Variants in MAP3K4 observed in about 807,000 individuals in gnomAD.
The protein encoded by MAP3K4 is MAP three kinase 1.
In MAP3K4, 67 loss-of-function variants were observed where a neutral mutation model predicts 185.6. That is an observed-to-expected ratio of 0.36 (90% CI 0.30 to 0.44). The LOEUF (loss-of-function observed/expected upper bound fraction) is 0.44, where lower values mean the gene tolerates loss of function less well. MAP3K4 is among the 20% of genes least tolerant of loss of function. The probability of loss-of-function intolerance (pLI) is 1.00; values close to 1 mark genes in which losing one functional copy is unlikely to be tolerated. For missense variants in MAP3K4, 1,551 were observed against 1,995.1 expected (o/e 0.78, Z 4.24); for synonymous variants, 702 against 710.4 (o/e 0.99, Z 0.19).
chr6:161,012,088 G>GC (rs1781874325), intron 1 of MAP3K4, among the ~76,000 whole-genome samples: 1 of 152,126 alleles, frequency 6.6e-6, no homozygotes, highest in Non-Finnish European at 1.5e-5. Context: ...TTGTGAAGAG[G>GC]CCTTAACTTG....
Position 161,109,987 on chromosome 6 carries a change from C to T in MAP3K4, c.4396+73C>T, listed in dbSNP as rs898688418. 4.6e-5 allele frequency: 68 copies of T among 1,480,462 alleles called. No homozygotes were observed. The highest frequency in any genetic ancestry group is 4.8e-4 in the Middle Eastern group (2 of 4,184). 91.7% of individuals were successfully genotyped at this position (1,480,462 alleles called of 1,614,324 possible). On this transcript the variant is annotated intron_variant, in intron 23 of 26. Transcript: ENST00000392142. This position sits in a 1 kb window ranked among gnomAD's most constrained non-coding sequence, Gnocchi z 5.7. ...CAGCCCGTGGGAGGTGCTCTGAAGA[C>T]GCTCATCCCATTCCCACATATGATT... is the stretch of plus-strand genomic sequence containing the variant.
intron 4 of MAP3K4, among the ~76,000 whole-genome samples, chr6:161,072,667 A>G (rs1429140315): frequency 6.6e-6 from 1 of 152,208 alleles, no homozygotes; most frequent in Non-Finnish European, 1.5e-5. Context: ...AGTTTGTATC[A>G]GTTTACCTTT....
In MAP3K4 at chr6:161,108,944, A is replaced by T; in HGVS notation, c.4236+85A>T. 6.2e-7 allele frequency: 1 copy of T among 1,609,800 alleles called. No individual in the cohort carries two copies. The highest frequency in any genetic ancestry group is 8.5e-7 in the Non-Finnish European group (1 of 1,176,644). On this transcript the variant is annotated intron_variant, in intron 22 of 26. Transcript: ENST00000392142. This position sits in a 1 kb window ranked among gnomAD's most constrained non-coding sequence, Gnocchi z 5.7. Reference sequence around the variant, plus strand: ...CCTGTTCTACATCACAGGTCTTCTCATTTCAGAGCACAGTAACTTTGCCTA... The same window carrying T: ...CCTGTTCTACATCACAGGTCTTCTCTTTTCAGAGCACAGTAACTTTGCCTA...
At chr6:161,004,571 T>C (rs1328282772) in intron 1 of MAP3K4, among the ~76,000 whole-genome samples, 1 of 152,206 alleles carries the variant, frequency 6.6e-6, no homozygotes, top group Non-Finnish European at 1.5e-5. Context: ...AAGACAGTTT[T>C]AGGTGCAAAT....
chr6:161,116,937 C>G lies in MAP3K4; in HGVS notation c.*67C>G. 6.9e-7 allele frequency: 1 copy of G among 1,450,980 alleles called. No individual in the cohort carries two copies. The highest frequency in any genetic ancestry group is 9.7e-7 in the Non-Finnish European group (1 of 1,032,280). The allele number at this position is 1,450,980 out of a possible 1,614,324, so 89.9% of individuals were successfully genotyped here. ...ACTGTATGTAATATTTACATAAAGA[C>G]TGTGCTGAGAAGCAGTATAAGCCTT... On this transcript the variant is annotated 3_prime_UTR_variant, in exon 27 of 27. Transcript: ENST00000392142. The surrounding 1 kb of genome is among the most constrained non-coding windows in gnomAD (Gnocchi z 6.2).
intron 1 of MAP3K4, among the ~76,000 whole-genome samples, chr6:161,000,866 C>CACAT (rs550570882): frequency 1.3e-5 from 2 of 149,842 alleles, no homozygotes; most frequent in Admixed American, 6.7e-5. Context: ...CACATGTGTA[C>CACAT]ACATACATAT....
chr6:160,993,637 C>T (rs904107010), intron 1 of MAP3K4, among the ~76,000 whole-genome samples: 1 of 151,850 alleles, frequency 6.6e-6, no homozygotes. Flanking sequence ...TTCTGTATAA[C>T]CCTACTCCGG....
At chr6:161,015,312 T>TG (rs1422533996) in intron 1 of MAP3K4, among the ~76,000 whole-genome samples, 1 of 145,288 alleles carries the variant, frequency 6.9e-6, no homozygotes, top group African/African-American at 2.6e-5. Context: ...CTGTTGATGG[T>TG]GGGGGGAGGG....
chr6:161,038,116 T>C (rs1783267497), intron 2 of MAP3K4, among the ~76,000 whole-genome samples: 1 of 152,150 alleles, frequency 6.6e-6, no homozygotes, highest in African/African-American at 2.4e-5. Flanking sequence ...TCTTTCCTTA[T>C]TTCTCCTCCA....
At chr6:161,042,249 A>T (rs1003312528) in intron 2 of MAP3K4, among the ~76,000 whole-genome samples, 1 of 152,206 alleles carries the variant, frequency 6.6e-6, no homozygotes, top group Non-Finnish European at 1.5e-5. Context: ...TGGCTGCTGC[A>T]TCTCATGGCC....
At chr6:161,013,130 A>G (rs1781923934) in intron 1 of MAP3K4, among the ~76,000 whole-genome samples, 1 of 152,332 alleles carries the variant, frequency 6.6e-6, no homozygotes, top group South Asian at 2.1e-4. Flanking sequence ...TATATAGGTC[A>G]TATTAGTGCT....
In MAP3K4 at chr6:161,061,339, T is replaced by A. The variant is rs1784479362; in HGVS notation, c.1708-9269T>A. 6.6e-6 allele frequency among the ~76,000 whole-genome samples: 1 copy of A among 152,378 alleles called. No individual in the cohort carries two copies. Among genetic ancestry groups the A allele is most frequent in the East Asian group, 1.9e-4 (1 of 5,190 alleles). ...GTTATAACCCTCTGTGGATGTAACA[T>A]CAGATAACTGCATTTTAAAGACTTT... is the stretch of plus-strand genomic sequence containing the variant. On this transcript the variant is annotated intron_variant, in intron 3 of 26. Transcript: ENST00000392142. The surrounding 1 kb of genome is among the most constrained non-coding windows in gnomAD (Gnocchi z 4.2).
chr6:161,046,901 A>G (rs975525181), intron 2 of MAP3K4, among the ~76,000 whole-genome samples: 3 of 148,440 alleles, frequency 2.0e-5, no homozygotes, highest in Admixed American at 6.7e-5. Flanking sequence ...GTGATATTAT[A>G]TACTAAGAAA....
rs879816159 is a variant in MAP3K4 at position 161,112,278 on chromosome 6, C to T, written c.4519+320C>T. On this transcript the variant is annotated intron_variant, in intron 24 of 26. Transcript: ENST00000392142. The surrounding 1 kb of genome is among the most constrained non-coding windows in gnomAD (Gnocchi z 5.1). ...TTTGTGCTCTGTAATGTGGCTTACC[C>T]CGAATCACTCAGCATACACCAGTCT... Among the ~76,000 whole-genome samples, 3 of 152,088 alleles carry T rather than the reference C, an allele frequency of 2.0e-5. No individual in the cohort carries two copies. Among genetic ancestry groups the T allele is most frequent in the Non-Finnish European group, 4.4e-5 (3 of 68,022 alleles).
intron 1 of MAP3K4, among the ~76,000 whole-genome samples, chr6:161,010,387 T>C (rs1485445899): frequency 6.6e-6 from 1 of 152,242 alleles, no homozygotes; most frequent in East Asian, 1.9e-4. Context: ...TCTCAAGTAA[T>C]ATTTGTTAGA....
chr6:161,003,213 TTAAG>T (rs1436973151), intron 1 of MAP3K4, among the ~76,000 whole-genome samples: 1 of 152,244 alleles, frequency 6.6e-6, no homozygotes, highest in South Asian at 2.1e-4. Flanking sequence ...TAGAAAGGTA[TTAAG>T]TTATTCATAC....
At position 161,084,383 on chromosome 6, in the gene MAP3K4, T is replaced by G. The variant is rs377062964; in HGVS notation, c.2256-118T>G. 365 of 607,976 alleles carry G rather than the reference T, an allele frequency of 6.0e-4. 1 individual carries two copies. In the African/African-American group the frequency reaches 6.1e-3, roughly 10 times the overall value. 37.7% of individuals were successfully genotyped at this position (607,976 alleles called of 1,614,324 possible). ...ATATTAAAAGAAGAGAAATTTTTCA[T>G]TTTTGATTTTTAAACCATTAGAGCA... On this transcript the variant is annotated intron_variant, in intron 6 of 26. Transcript: ENST00000392142. This position sits in a 1 kb window ranked among gnomAD's most constrained non-coding sequence, Gnocchi z 4.6.
At chr6:161,089,068 T>C (rs1325829285) in intron 10 of MAP3K4, among the ~76,000 whole-genome samples, 9 of 152,014 alleles carry the variant, frequency 5.9e-5, no homozygotes, top group African/African-American at 1.9e-4. Context: ...CTACTTGAAG[T>C]TCTAGGATAT....
chr6:161,068,902 C>G (rs886375183), intron 3 of MAP3K4, among the ~76,000 whole-genome samples: 13 of 152,322 alleles, frequency 8.5e-5, no homozygotes, highest in African/African-American at 3.1e-4. Flanking sequence ...AGCTGAGGCT[C>G]TTTGTGATTC....
Sources: allele counts gnomAD v4.1 joint callset (sites outside exome capture counted in the v4.1 genomes callset), GRCh38; gene constraint gnomAD v4.1.1; non-coding constraint Gnocchi (gnomAD v3.1); transcripts MANE v1.5; gene names NCBI Gene and HGNC (gene_info 2026-07-23, HGNC 2026-07-21).